The following PITPNM3 variants were observed in gnomAD, a reference collection of about 807,000 sequenced individuals.
PITPNM3 encodes the protein PITPNM family member 3.
In PITPNM3, 26 loss-of-function variants were observed where a neutral mutation model predicts 102.0. That is an observed-to-expected ratio of 0.25 (90% CI 0.19 to 0.35). The LOEUF (loss-of-function observed/expected upper bound fraction) is 0.35, where lower values mean the gene tolerates loss of function less well. Ranked by LOEUF, PITPNM3 falls within the 10% of genes least tolerant of loss-of-function variation. The pLI is 1.00. For missense variants in PITPNM3, 1,083 were observed against 1,346.1 expected (o/e 0.80, Z 3.06); for synonymous variants, 578 against 558.6 (o/e 1.03, Z -0.49).
At chr17:6,503,149 G>T (rs563003370) in intron 4 of PITPNM3, among the ~76,000 whole-genome samples, 1 of 152,214 alleles carries the variant, frequency 6.6e-6, no homozygotes, top group South Asian at 2.1e-4. Flanking sequence ...ATGGGCACAG[G>T]GGCCATGTTC....
At position 6,517,441 on chromosome 17, in the gene PITPNM3, G is replaced by A. The variant is rs1014138129; in HGVS notation, c.226+7915C>T. ...AACCAAATGGCCAGGGGCCATGGGA[G>A]CTGGGGAGTTAGGAAGAGAAGGAAG... On this transcript the variant is annotated intron_variant, in intron 3 of 19. Transcript: ENST00000262483. The surrounding 1 kb of genome is among the most constrained non-coding windows in gnomAD (Gnocchi z 4.1). Among the ~76,000 whole-genome samples the A allele has an allele frequency of 1.3e-5, 2 of 152,280 alleles. No homozygotes were observed. Among genetic ancestry groups the A allele is most frequent in the African/African-American group, 2.4e-5 (1 of 41,476 alleles).
intron 1 of PITPNM3, among the ~76,000 whole-genome samples, chr17:6,549,654 G>T (rs1910204234): frequency 6.6e-6 from 1 of 152,220 alleles, no homozygotes; most frequent in Admixed American, 6.5e-5. Context: ...ATTTGCAAAA[G>T]GGGGTGCAAT....
At chr17:6,479,209 G>A in intron 6 of PITPNM3, 1 of 172,530 alleles carries the variant, frequency 5.8e-6, no homozygotes, top group East Asian at 1.5e-4. Flanking sequence ...GGGTTCACAT[G>A]TTGGCCACAG....
In PITPNM3 at chr17:6,479,000, G is replaced by A; in HGVS notation, c.588-264C>T. On this transcript the variant is annotated intron_variant, in intron 6 of 19. Transcript: ENST00000262483. This position sits in a 1 kb window ranked among gnomAD's most constrained non-coding sequence, Gnocchi z 4.4. ...GGGCCCTGGGGTCCCTGTGACTGCA[G>A]TCTCTATTGCCCTCTTCTGCATGGC... 1 of 539,192 alleles carries A rather than the reference G, an allele frequency of 1.9e-6. No homozygotes were observed. Among genetic ancestry groups the A allele is most frequent in the Non-Finnish European group, 3.3e-6 (1 of 300,386 alleles). 33.4% of individuals were successfully genotyped at this position (539,192 alleles called of 1,614,324 possible).
chr17:6,478,652 G>A lies in PITPNM3; in HGVS notation c.672C>T (p.Ile224=). Reference sequence around the variant, plus strand: ...CAGCATCCTGGTACTGCGGGGAGGAGATGGCCAACAGGGGAAGGGCGGCCA... The same window carrying A: ...CAGCATCCTGGTACTGCGGGGAGGAAATGGCCAACAGGGGAAGGGCGGCCA... ...VPLAALPLLA[I]SSPQYQDAVA... is the part of the protein sequence containing the mutation. Residue 224 remains isoleucine (I), a synonymous_variant, in exon 7 of 20, where the codon ATC becomes ATT. Coordinates refer to ENST00000262483, the MANE Select transcript of PITPNM3 (RefSeq NM_031220.4). The surrounding 1 kb of genome is among the most constrained non-coding windows in gnomAD (Gnocchi z 4.4). The A allele has an allele frequency of 2.5e-6, 4 of 1,613,772 alleles. No individual in the cohort carries two copies. The highest frequency in any genetic ancestry group is 3.4e-6 in the Non-Finnish European group (4 of 1,179,892).
At chr17:6,466,344 CAG>C (rs748756996) in intron 14 of PITPNM3, among the ~76,000 whole-genome samples, 2 of 152,228 alleles carry the variant, frequency 1.3e-5, no homozygotes, top group Non-Finnish European at 2.9e-5. Context: ...CAAATATCTG[CAG>C]ACACCTCATC....
At chr17:6,553,425 A>C (rs1910424330) in intron 1 of PITPNM3, among the ~76,000 whole-genome samples, 1 of 152,138 alleles carries the variant, frequency 6.6e-6, no homozygotes, top group Non-Finnish European at 1.5e-5. Context: ...TGGCAGTGTA[A>C]GAGTCCTTTC....
At chr17:6,529,562 C>T (rs1437859328) in intron 2 of PITPNM3, among the ~76,000 whole-genome samples, 1 of 151,064 alleles carries the variant, frequency 6.6e-6, no homozygotes, top group Non-Finnish European at 1.5e-5. Context: ...CTACTGCATT[C>T]CAGCCTGGTG....
At chr17:6,504,019 C>CA (rs1165245196) in intron 3 of PITPNM3, among the ~76,000 whole-genome samples, 1 of 152,160 alleles carries the variant, frequency 6.6e-6, no homozygotes, top group Non-Finnish European at 1.5e-5. Context: ...CACTGCCCCC[C>CA]AGACGTCTTC....
chr17:6,504,918 T>G (rs1907397220), intron 3 of PITPNM3, among the ~76,000 whole-genome samples: 1 of 152,142 alleles, frequency 6.6e-6, no homozygotes, highest in Admixed American at 6.5e-5. Flanking sequence ...CTCATGCCTG[T>G]AATCCCAGCA....
Position 6,531,956 on chromosome 17 carries a change from A to C in PITPNM3, c.118+6031T>G, listed in dbSNP as rs987035997. Among the ~76,000 whole-genome samples, 4 of 152,258 alleles carry C rather than the reference A, an allele frequency of 2.6e-5. No homozygotes were observed. The South Asian group carries it at 6.2e-4, about 24-fold the overall frequency. On this transcript the variant is annotated intron_variant, in intron 2 of 19. Transcript: ENST00000262483. Reference sequence around the variant, plus strand: ...CATCTCTACTAAAAATACAAAAAAAATCAGCTGGGCCTGGTGGTACATGCC... The same window carrying C: ...CATCTCTACTAAAAATACAAAAAAACTCAGCTGGGCCTGGTGGTACATGCC...
Position 6,556,283 on chromosome 17 carries a change from G to T in PITPNM3, c.22+102C>A. 1 of 1,055,870 alleles carries T rather than the reference G, an allele frequency of 9.5e-7. No homozygotes were observed. Among genetic ancestry groups the T allele is most frequent in the Non-Finnish European group, 1.3e-6 (1 of 787,566 alleles). The allele number at this position is 1,055,870 out of a possible 1,614,324, so 65.4% of individuals were successfully genotyped here. A position where few individuals can be genotyped will look rare whatever the true frequency, so the allele number is the denominator to read the frequency against. On this transcript the variant is annotated intron_variant, in intron 1 of 19. Transcript: ENST00000262483. The surrounding 1 kb of genome is among the most constrained non-coding windows in gnomAD (Gnocchi z 5.2). ...CCCCCTACGCCCTCCCGGGACCTCC[G>T]CCCACCTGCGCGAGGGGTTCACCTG...
At chr17:6,543,886 G>A (rs917376495) in intron 1 of PITPNM3, among the ~76,000 whole-genome samples, 1 of 152,228 alleles carries the variant, frequency 6.6e-6, no homozygotes, top group Admixed American at 6.5e-5. Context: ...GGCTGGGGCA[G>A]GTGGGAGGAA....
At chr17:6,494,166 G>A (rs1204245463) in intron 4 of PITPNM3, among the ~76,000 whole-genome samples, 1 of 152,182 alleles carries the variant, frequency 6.6e-6, no homozygotes, top group African/African-American at 2.4e-5. Context: ...GGATTGGAAA[G>A]GTAAAGTGAT....
intron 3 of PITPNM3, among the ~76,000 whole-genome samples, chr17:6,510,715 AG>A (rs1907820481): frequency 6.6e-6 from 1 of 152,276 alleles, no homozygotes; most frequent in African/African-American, 2.4e-5. Context: ...GGACACACCC[AG>A]AAAAGCACAG....
intron 1 of PITPNM3, among the ~76,000 whole-genome samples, chr17:6,549,129 C>T (rs1487690586): frequency 6.6e-6 from 1 of 152,086 alleles, no homozygotes; most frequent in South Asian, 2.1e-4. Flanking sequence ...AGAGCTTCTC[C>T]AGGACACCTA....
At chr17:6,464,365 A>T (rs773214509) in intron 15 of PITPNM3, 47 bp from the exon 16 acceptor site, 16 of 1,601,814 alleles carry the variant, frequency 1.0e-5, no homozygotes, top group Non-Finnish European at 1.3e-5. Context: ...CTGAGGGGCT[A>T]CAGGCTTGGC....
chr17:6,552,551 G>C (rs1375568322), intron 1 of PITPNM3, among the ~76,000 whole-genome samples: 1 of 152,188 alleles, frequency 6.6e-6, no homozygotes, highest in Non-Finnish European at 1.5e-5. Context: ...CGGCACTCCT[G>C]TCTTCATGCT....
chr17:6,547,072 G>T (rs1910061104), intron 1 of PITPNM3, among the ~76,000 whole-genome samples: 1 of 152,102 alleles, frequency 6.6e-6, no homozygotes, highest in African/African-American at 2.4e-5. Context: ...CACAGCCTCT[G>T]CTGCCTGTCG....
Sources: gnomAD v4.1 joint callset for allele counts (sites outside exome capture counted in the v4.1 genomes callset) on GRCh38, gnomAD v4.1.1 for gene constraint, Gnocchi (gnomAD v3.1) non-coding constraint, MANE v1.5 for transcripts, NCBI Gene and HGNC (gene_info 2026-07-23, HGNC 2026-07-21) for gene names.